TCF7L2: variants seen among roughly 807,000 people sequenced by gnomAD.
The protein encoded by TCF7L2 is transcription factor 7-like 2.
TCF7L2 carries 23 observed loss-of-function variants against 77.9 expected under a neutral mutation model. The ratio of observed to expected loss-of-function variants is 0.30; its 90% CI spans 0.21 to 0.42. The LOEUF is 0.42. Among genes scored for constraint, TCF7L2 ranks in the 10% least tolerant of loss-of-function variants. TCF7L2 has a pLI of 1.00. For missense variants in TCF7L2, 654 were observed against 793.1 expected (o/e 0.82, Z 2.11); for synonymous variants, 413 against 340.2 (o/e 1.21, Z -2.36).
intron 4 of TCF7L2, among the ~76,000 whole-genome samples, chr10:113,036,703 A>C (rs1294198973): frequency 7.7e-6 from 1 of 130,294 alleles, no homozygotes; most frequent in African/African-American, 2.7e-5. Flanking sequence ...TTTTTAATGA[A>C]AGTTGAGCAG....
At chr10:112,976,233 T>C (rs866475159) in intron 4 of TCF7L2, among the ~76,000 whole-genome samples, 1 of 152,190 alleles carries the variant, frequency 6.6e-6, no homozygotes, top group Non-Finnish European at 1.5e-5. Context: ...ATTTTTACCA[T>C]TGAGGATTAT....
chr10:112,996,204 A>G (rs2043437418), intron 4 of TCF7L2, among the ~76,000 whole-genome samples: 1 of 152,076 alleles, frequency 6.6e-6, no homozygotes, highest in African/African-American at 2.4e-5. Context: ...AAGAATAAGC[A>G]AAGAAGTGAA....
chr10:113,088,617 C>T (rs1178563019), intron 5 of TCF7L2, among the ~76,000 whole-genome samples: 2 of 152,114 alleles, frequency 1.3e-5, no homozygotes, highest in African/African-American at 4.8e-5. Context: ...AGTTGCTTTT[C>T]TCAAAAGACT....
At chr10:113,150,326 T>A (rs911243941) in intron 8 of TCF7L2, among the ~76,000 whole-genome samples, 13 of 152,096 alleles carry the variant, frequency 8.5e-5, no homozygotes, top group African/African-American at 1.7e-4. Flanking sequence ...TTTCCTTTTT[T>A]TTTTTGCATC....
At position 112,950,498 on chromosome 10, in the gene TCF7L2, T is replaced by C. The variant is rs572720305; in HGVS notation, c.-259T>C. ...TTTTATTTATTATTTTTTTGCACAT[T>C]GATCGGATCCTTGGGAACGAGAGAA... On this transcript the variant is annotated 5_prime_UTR_variant, in exon 1 of 14. Transcript: ENST00000627217. The C allele has an allele frequency of 2.1e-4, 71 of 331,810 alleles. 1 individual carries two copies. The South Asian group carries it at 5.6e-3, about 26-fold the overall frequency. The allele number at this position is 331,810 out of a possible 1,614,324, so 20.6% of individuals were successfully genotyped here.
chr10:112,993,752 T>C (rs553529272), intron 4 of TCF7L2, among the ~76,000 whole-genome samples: 1 of 152,064 alleles, frequency 6.6e-6, no homozygotes, highest in Non-Finnish European at 1.5e-5. Flanking sequence ...TCAGGTCTAT[T>C]CTTTCTTTTT....
intron 5 of TCF7L2, among the ~76,000 whole-genome samples, chr10:113,065,510 C>G (rs773315157): frequency 5.1e-4 from 78 of 152,316 alleles, no homozygotes; most frequent in Non-Finnish European, 9.6e-4. Flanking sequence ...GGCTGTCTGG[C>G]TTATCCACCT....
At position 113,158,070 on chromosome 10, in the gene TCF7L2, G is replaced by A. The variant is rs2137364312; in HGVS notation, c.1318+1G>A. On this transcript the variant is annotated splice_donor_variant, in intron 12 of 13. Coordinates refer to ENST00000627217, the MANE Select transcript of TCF7L2 (RefSeq NM_001146274.2). LOFTEE classifies it high-confidence loss of function. ...GACAAGCAGCCGGGAGAGACCAATG[G>A]TAAGTGACAATCATCAGGTTAGAGG... 1 of 1,596,700 alleles carries A rather than the reference G, an allele frequency of 6.3e-7. No individual in the cohort carries two copies. Among genetic ancestry groups the A allele is most frequent in the East Asian group, 2.2e-5 (1 of 44,558 alleles).
intron 5 of TCF7L2, among the ~76,000 whole-genome samples, chr10:113,093,323 GA>G (rs2060594828): frequency 6.6e-6 from 1 of 152,286 alleles, no homozygotes; most frequent in Non-Finnish European, 1.5e-5. Context: ...TGAAGGGTGA[GA>G]GCTATAAAAA....
intron 5 of TCF7L2, among the ~76,000 whole-genome samples, chr10:113,084,487 G>T (rs1471841485): frequency 1.3e-5 from 2 of 152,196 alleles, no homozygotes; most frequent in Non-Finnish European, 2.9e-5. Context: ...CTCACATCAA[G>T]GAGGACCATC....
intron 4 of TCF7L2, among the ~76,000 whole-genome samples, chr10:113,018,990 G>A (rs1196832380): frequency 6.6e-6 from 1 of 152,154 alleles, no homozygotes; most frequent in Non-Finnish European, 1.5e-5. Context: ...CGTCCAGAGG[G>A]AGCACAAGAG....
At chr10:113,024,616 C>CTT (rs377705347) in intron 4 of TCF7L2, among the ~76,000 whole-genome samples, 1,481 of 124,762 alleles carry the variant, frequency 0.012, 36 homozygotes, top group African/African-American at 0.027. Flanking sequence ...TATATAAACC[C>CTT]TTTTTTTTTT....
At position 113,151,249 on chromosome 10, in the gene TCF7L2, C is replaced by A; in HGVS notation, c.1001+126C>A. On this transcript the variant is annotated intron_variant, in intron 9 of 13. Transcript: ENST00000627217. The surrounding 1 kb of genome is among the most constrained non-coding windows in gnomAD (Gnocchi z 5.2). The stretch of plus-strand genomic sequence containing the variant: ...TGGTTTGACTGCAGCCAATACCCAG[C>A]CTGTGTGGGCTCTTCACTCCCTTAC... 1 of 1,255,692 alleles carries A rather than the reference C, an allele frequency of 8.0e-7. No individual in the cohort carries two copies. Among genetic ancestry groups the A allele is most frequent in the Non-Finnish European group, 1.1e-6 (1 of 888,778 alleles). 77.8% of individuals were successfully genotyped at this position (1,255,692 alleles called of 1,614,324 possible). A position where few individuals can be genotyped will look rare whatever the true frequency, so the allele number is the denominator to read the frequency against.
chr10:112,951,514 G>C lies in TCF7L2; in HGVS notation c.288G>C (p.Lys96Asn). 2.1e-6 allele frequency: 3 copies of C among 1,431,004 alleles called. No individual in the cohort carries two copies. The highest frequency in any genetic ancestry group is 2.8e-6 in the Non-Finnish European group (3 of 1,069,502). The allele number at this position is 1,431,004 out of a possible 1,614,324, so 88.6% of individuals were successfully genotyped here. The change falls in exon 3 of 14, where the codon AAG becomes AAC. Residue 96 changes from lysine (K) to asparagine (N), a missense_variant. Lys to Asn is a moderately conservative substitution (Grantham distance 94, BLOSUM62 0). This residue lies in a region of TCF7L2 where 132 missense variants were observed against 123.7 expected (regional missense o/e 1.07). Coordinates refer to ENST00000627217, the MANE Select transcript of TCF7L2 (RefSeq NM_001146274.2). ...AGAGGCAAGATGGAGGGCTCTTTAA[G>C]GGGCCACCGTATCCCGGCTACCCCT...
chr10:113,166,802 T>C lies in TCF7L2; in HGVS notation c.*830T>C, dbSNP rs1592557974. ...TTTATATATAAAATGTGTATATATA[T>C]TTTTGTTTCCCCTTTTTGACTTTTT... On this transcript the variant is annotated 3_prime_UTR_variant, in exon 14 of 14. Coordinates refer to ENST00000627217, the MANE Select transcript of TCF7L2 (RefSeq NM_001146274.2). The C allele has an allele frequency of 4.4e-6, 1 of 228,606 alleles. No homozygotes were observed. Among genetic ancestry groups the C allele is most frequent in the Non-Finnish European group, 8.7e-6 (1 of 115,302 alleles). 14.2% of individuals were successfully genotyped at this position (228,606 alleles called of 1,614,324 possible). A position where few individuals can be genotyped will look rare whatever the true frequency, so the allele number is the denominator to read the frequency against.
chr10:113,043,700 T>C (rs1312227939), intron 5 of TCF7L2, among the ~76,000 whole-genome samples: 1 of 152,124 alleles, frequency 6.6e-6, no homozygotes, highest in Non-Finnish European at 1.5e-5. Context: ...TCCCCAGTCC[T>C]ATTTTCGCAT....
intron 13 of TCF7L2, among the ~76,000 whole-genome samples, chr10:113,164,517 C>T (rs2073742387): frequency 6.6e-6 from 1 of 151,910 alleles, no homozygotes; most frequent in African/African-American, 2.4e-5. Context: ...AGCAGGATGC[C>T]CCTCCATCCA....
intron 4 of TCF7L2, among the ~76,000 whole-genome samples, chr10:112,970,943 A>G (rs1435321832): frequency 6.6e-6 from 1 of 152,206 alleles, no homozygotes; most frequent in Admixed American, 6.5e-5. Context: ...GAAGAATTAG[A>G]GAGAGATCAT....
chr10:112,959,484 T>G (rs951725013), intron 3 of TCF7L2, among the ~76,000 whole-genome samples: 1 of 152,236 alleles, frequency 6.6e-6, no homozygotes, highest in African/African-American at 2.4e-5. Context: ...GAGATTGTTC[T>G]TGTGTCTAAA....
Sources: gnomAD v4.1 joint callset for allele counts (sites outside exome capture counted in the v4.1 genomes callset) on GRCh38, gnomAD v4.1.1 for gene constraint, gnomAD v4.1.1 regional missense constraint, Gnocchi (gnomAD v3.1) non-coding constraint, MANE v1.5 for transcripts, NCBI Gene and HGNC (gene_info 2026-07-23, HGNC 2026-07-21) for gene names.